SACS: variants seen among roughly 807,000 people sequenced by gnomAD.
SACS encodes sacsin molecular chaperone, also known as sacsin.
In SACS, 197 loss-of-function variants were observed where a neutral mutation model predicts 348.0. The ratio of observed to expected loss-of-function variants is 0.57; its 90% confidence interval spans 0.50 to 0.64. The LOEUF is 0.64. SACS is among the 30% of genes least tolerant of loss of function. The pLI is 0.00. For synonymous variants in SACS, 1,985 were observed against 1,910.6 expected (o/e 1.04, Z -1.02); for missense variants, 4,999 against 5,360.8 (o/e 0.93, Z 2.11).
chr13:23,399,893 C>T (rs987909386), intron 2 of SACS, among the ~76,000 whole-genome samples: 14 of 152,238 alleles, frequency 9.2e-5, no homozygotes, highest in African/African-American at 1.2e-4. Flanking sequence ...TAAACTTCTC[C>T]GCACACATAA....
chr13:23,408,855 G>A (rs1027423722), intron 2 of SACS, among the ~76,000 whole-genome samples: 3 of 151,090 alleles, frequency 2.0e-5, no homozygotes, highest in Non-Finnish European at 4.4e-5. Context: ...GTCCCAGCTC[G>A]GGAGGCTGAG....
chr13:23,334,745 T>C lies in SACS; in HGVS notation c.9131A>G (p.Asn3044Ser). The change falls in exon 10 of 10, where the codon AAT becomes AGT. Residue 3044 changes from asparagine to serine, a missense_variant. Asn to Ser is a conservative substitution (Grantham distance 46). Transcript: ENST00000382292. ...TGCTACTGTTTTGCGTGTGGTGATA[T>C]TATAATCTGCATTTTTAAGGTGTTG... is the stretch of plus-strand genomic sequence containing the variant. ...ELQHLKNADY[N>S]ITTRKTVAEN... The C allele has an allele frequency of 3.1e-6, 5 of 1,613,800 alleles. No individual in the cohort carries two copies. Among genetic ancestry groups the C allele is most frequent in the South Asian group, 1.1e-5 (1 of 91,062 alleles).
At chr13:23,405,338 T>G (rs1873159421) in intron 2 of SACS, among the ~76,000 whole-genome samples, 1 of 152,206 alleles carries the variant, frequency 6.6e-6, no homozygotes, top group Admixed American at 6.5e-5. Flanking sequence ...TAAATGGTAT[T>G]GGGAAAACTG....
chr13:23,403,119 A>G lies in SACS; in HGVS notation c.20+8101T>C, dbSNP rs1224643736. On this transcript the variant is annotated intron_variant, in intron 2 of 9. Coordinates refer to ENST00000382292, the MANE Select transcript of SACS (RefSeq NM_014363.6). ...CTTGAACCCAGAAGGTGGAGGTTGC[A>G]GTGAGCCGAGACTACACCACTGCAC... Among the ~76,000 whole-genome samples, 14 of 136,888 alleles carry G rather than the reference A, an allele frequency of 1.0e-4. No individual in the cohort carries two copies. In the Admixed American group the frequency reaches 1.0e-3, roughly 10 times the overall value. The allele number at this position is 136,888 out of a possible 152,430, so 89.8% of individuals were successfully genotyped here. A position where few individuals can be genotyped will look rare whatever the true frequency, so the allele number is the denominator to read the frequency against.
At position 23,355,486 on chromosome 13, in the gene SACS, T is replaced by A; in HGVS notation, c.1126A>T (p.Asn376Tyr). The change falls in exon 8 of 10, where the codon AAT becomes TAT. Residue 376 changes from asparagine (N) to tyrosine (Y), a missense_variant. Asn to Tyr is a moderately radical substitution (Grantham distance 143). Coordinates refer to ENST00000382292, the MANE Select transcript of SACS (RefSeq NM_014363.6). ...GTACTCTCCTCTTCTAAAACAATAT[T>A]TACGTGATATGTTACACAGGTGATG... ...NNITCVTYHV[N>Y]IVLEEESTKD... 1 of 1,614,130 alleles carries A rather than the reference T, an allele frequency of 6.2e-7. No individual in the cohort carries two copies. The highest frequency in any genetic ancestry group is 1.3e-5 in the African/African-American group (1 of 75,030).
intron 7 of SACS, among the ~76,000 whole-genome samples, chr13:23,357,753 T>G (rs199551850): frequency 1.2e-3 from 5 of 4,334 alleles, no homozygotes; most frequent in Admixed American, 6.4e-3. Context: ...TTTCCTATTG[T>G]TAACTAGGAA....
At position 23,331,531 on chromosome 13, in the gene SACS, A is replaced by G; in HGVS notation, c.12345T>C (p.Ser4115=). ...GCATAGCAATTAAATATGAAGTGTC[A>G]GAAATCAAATTGTCAGTTGCTGATT... ...TLKSATDNLI[S]DTSYLIAMLG... The change falls in exon 10 of 10, where the codon TCT becomes TCC. Residue 4115 remains serine, a synonymous_variant. Coordinates refer to ENST00000382292, the MANE Select transcript of SACS (RefSeq NM_014363.6). 2 of 1,613,856 alleles carry G rather than the reference A, an allele frequency of 1.2e-6. No homozygotes were observed. Among genetic ancestry groups the G allele is most frequent in the Non-Finnish European group, 1.7e-6 (2 of 1,179,752 alleles).
intron 2 of SACS, among the ~76,000 whole-genome samples, chr13:23,380,492 A>G (rs1403729174): frequency 6.6e-6 from 1 of 152,146 alleles, no homozygotes; most frequent in East Asian, 1.9e-4. Context: ...TTAAGCTCCA[A>G]TTGGGAGGGT....
chr13:23,331,751 C>T lies in SACS; in HGVS notation c.12125G>A (p.Arg4042Lys). ...AAAGCAGGATACTTTCAATCCTTCT[C>T]TTAGGGCTTTGCAAAGTCTTATGGC... ...EKAIRLCKAL[R>K]EGLKVSCFEK... Residue 4042 changes from arginine to lysine, a missense_variant, in exon 10 of 10, where the codon AGA becomes AAA. Arg to Lys is a conservative substitution (Grantham distance 26, BLOSUM62 2). Transcript: ENST00000382292. The T allele has an allele frequency of 6.2e-7, 1 of 1,613,980 alleles. No homozygotes were observed. Among genetic ancestry groups the T allele is most frequent in the Non-Finnish European group, 8.5e-7 (1 of 1,179,950 alleles).
At chr13:23,417,417 T>C (rs751551979) in intron 1 of SACS, among the ~76,000 whole-genome samples, 9 of 152,190 alleles carry the variant, frequency 5.9e-5, no homozygotes, top group Non-Finnish European at 1.3e-4. Context: ...ATAATAATTA[T>C]GTGGCATTCG....
rs1472194904 is a variant in SACS, at chr13:23,338,269, C to T, written c.5607G>A (p.Glu1869=). The change falls in exon 10 of 10, where the codon GAG becomes GAA. Residue 1869 remains glutamate, a synonymous_variant. Transcript: ENST00000382292. ...TTCGTAAAGGTAAATAGCAAAACAC[C>T]TCTCCAATGTGTGGTTTCACTGTCC... is the stretch of plus-strand genomic sequence containing the variant. ...QKWTVKPHIG[E]VFCYLPLRIK... 6.8e-6 allele frequency: 11 copies of T among 1,613,956 alleles called. No individual in the cohort carries two copies. The African/African-American group carries it at 1.2e-4, about 18-fold the overall frequency.
chr13:23,397,129 G>T (rs1409627218), intron 2 of SACS, among the ~76,000 whole-genome samples: 1 of 151,308 alleles, frequency 6.6e-6, no homozygotes, highest in Non-Finnish European at 1.5e-5. Context: ...ATTCACAGTT[G>T]TCTACTTCCT....
In SACS at chr13:23,411,155, G is replaced by A; in HGVS notation, c.20+65C>T. 2.1e-6 allele frequency: 3 copies of A among 1,418,574 alleles called. No individual in the cohort carries two copies. In the Admixed American group the frequency reaches 5.1e-5, roughly 24 times the overall value. The allele number at this position is 1,418,574 out of a possible 1,614,324, so 87.9% of individuals were successfully genotyped here. A position where few individuals can be genotyped will look rare whatever the true frequency, so the allele number is the denominator to read the frequency against. On this transcript the variant is annotated intron_variant, in intron 2 of 9. Transcript: ENST00000382292. Reference sequence around the variant, plus strand: ...TTGTTTTTGCCTATGTTTCATTTGGGAAAATCCAACAAGTCTTAAAATCCC... The same window carrying A: ...TTGTTTTTGCCTATGTTTCATTTGGAAAAATCCAACAAGTCTTAAAATCCC...
At position 23,405,263 on chromosome 13, in the gene SACS, T is replaced by G. The variant is rs1376141086; in HGVS notation, c.20+5957A>C. Among the ~76,000 whole-genome samples, 3 of 152,276 alleles carry G rather than the reference T, an allele frequency of 2.0e-5. No homozygotes were observed. In the East Asian group the frequency reaches 5.8e-4, roughly 29 times the overall value. Reference sequence around the variant, plus strand: ...GTCCTCAGAAATAATGCCACACATCTACAACCATCTGAACTTTGACAAATC... The same window carrying G: ...GTCCTCAGAAATAATGCCACACATCGACAACCATCTGAACTTTGACAAATC... On this transcript the variant is annotated intron_variant, in intron 2 of 9. Coordinates refer to ENST00000382292, the MANE Select transcript of SACS (RefSeq NM_014363.6).
At position 23,333,070 on chromosome 13, in the gene SACS, C is replaced by T. The variant is rs1883595314; in HGVS notation, c.10806G>A (p.Gln3602=). 6.2e-7 allele frequency: 1 copy of T among 1,613,958 alleles called. No individual in the cohort carries two copies. The highest frequency in any genetic ancestry group is 1.3e-5 in the African/African-American group (1 of 75,036). Residue 3602 remains glutamine, a synonymous_variant, in exon 10 of 10, where the codon CAG becomes CAA. Coordinates refer to ENST00000382292, the MANE Select transcript of SACS (RefSeq NM_014363.6). ...CCCTCACACTGATTTCCTTAGCAAACTGTAACAACTGCTGCTGAGAAAGTA... is the reference window on the plus strand; with the variant it reads ...CCCTCACACTGATTTCCTTAGCAAATTGTAACAACTGCTGCTGAGAAAGTA... ...KYILSQQQLL[Q]FAKEISVRAN...
chr13:23,398,751 C>G (rs1308618289), intron 2 of SACS, among the ~76,000 whole-genome samples: 1 of 151,884 alleles, frequency 6.6e-6, no homozygotes, highest in Non-Finnish European at 1.5e-5. Flanking sequence ...TTTTATTGTG[C>G]AGAGGAAGCT....
chr13:23,405,191 T>C (rs111729896), intron 2 of SACS, among the ~76,000 whole-genome samples: 3 of 152,174 alleles, frequency 2.0e-5, no homozygotes, highest in African/African-American at 7.2e-5. Context: ...CAAAACAGCA[T>C]GGTACTGGTA....
intron 4 of SACS, 63 bp from the exon 5 acceptor site, chr13:23,368,550 G>T: frequency 8.6e-7 from 1 of 1,161,462 alleles, no homozygotes; most frequent in Non-Finnish European, 1.3e-6. Context: ...TCACCAATGT[G>T]TGACTTGAAT....
In SACS at chr13:23,341,275, A is replaced by G. The variant is rs1470589088; in HGVS notation, c.2601T>C (p.Tyr867=). The part of the protein sequence containing the change: ...ASIQHPLIKK[Y]IHSPLPSAVL... ...CAGCACTTGGTAATGGTGAATGAAT[A>G]TATTTTTTAATAAGCGGATGTTGTA... The change falls in exon 10 of 10, where the codon TAT becomes TAC. Residue 867 remains tyrosine, a synonymous_variant. Transcript: ENST00000382292. 7 of 1,613,512 alleles carry G rather than the reference A, an allele frequency of 4.3e-6. No individual in the cohort carries two copies. The highest frequency in any genetic ancestry group is 2.7e-5 in the African/African-American group (2 of 74,904).
Sources: gnomAD v4.1 joint callset for allele counts (sites outside exome capture counted in the v4.1 genomes callset) on GRCh38, gnomAD v4.1.1 for gene constraint, MANE v1.5 for transcripts, NCBI Gene and HGNC (gene_info 2026-07-23, HGNC 2026-07-21) for gene names.